The following CADM2 variants were observed in gnomAD, a reference collection of about 807,000 sequenced individuals.
The protein encoded by CADM2 is cell adhesion molecule 2.
In CADM2, 12 loss-of-function variants were observed where a neutral mutation model predicts 49.8. The observed-to-expected ratio is 0.24, with a 90% CI of 0.15 to 0.39. The LOEUF (loss-of-function observed/expected upper bound fraction) is 0.39. Ranked by LOEUF, CADM2 falls within the 10% of genes least tolerant of loss-of-function variation. CADM2 has a pLI of 1.00. For synonymous variants in CADM2, 214 were observed against 175.4 expected (o/e 1.22, Z -1.74); for missense variants, 378 against 492.3 (o/e 0.77, Z 2.20).
At chr3:85,915,979 A>G (rs2108490227) in intron 6 of CADM2, among the ~76,000 whole-genome samples, 1 of 152,306 alleles carries the variant, frequency 6.6e-6, no homozygotes, top group Non-Finnish European at 1.5e-5. Context: ...AGATAAACAT[A>G]CAATGCCAAG....
At chr3:86,066,257 C>A (rs1017213538) in intron 9 of CADM2, among the ~76,000 whole-genome samples, 2 of 133,378 alleles carry the variant, frequency 1.5e-5, no homozygotes, top group Non-Finnish European at 3.1e-5. Flanking sequence ...TGCTTGAACC[C>A]GGGAGGCGGA....
intron 1 of CADM2, among the ~76,000 whole-genome samples, chr3:85,574,121 C>T (rs17460701): frequency 0.51 from 78,094 of 152,070 alleles, 23,091 homozygotes; most frequent in East Asian, 0.85. Flanking sequence ...GAAGGGTTAA[C>T]ATTTAAGCAA....
chr3:85,383,351 A>C (rs1412436909), intron 1 of CADM2, among the ~76,000 whole-genome samples: 1 of 151,964 alleles, frequency 6.6e-6, no homozygotes, highest in Non-Finnish European at 1.5e-5. Context: ...ACAGTGCTAA[A>C]ATTAGACAAT....
chr3:85,486,044 A>G (rs555334684), intron 1 of CADM2, among the ~76,000 whole-genome samples: 2 of 152,232 alleles, frequency 1.3e-5, no homozygotes, highest in South Asian at 2.1e-4. Context: ...GAAAATGATG[A>G]CGTTGAGGTC....
rs2043167614 is a variant in CADM2, at chr3:85,268,433, A to G, written c.61+308765A>G. ...CTCTTCCTTGAAAAATGAAAGGTTTAAATACTAAAAATTTTATTAATAATT... is the reference window on the plus strand; with the variant it reads ...CTCTTCCTTGAAAAATGAAAGGTTTGAATACTAAAAATTTTATTAATAATT... On this transcript the variant is annotated intron_variant, in intron 1 of 9. Transcript: ENST00000383699. 7.3e-5 allele frequency among the ~76,000 whole-genome samples: 11 copies of G among 151,612 alleles called. No homozygotes were observed. In the South Asian group the frequency reaches 2.3e-3, roughly 31 times the overall value.
chr3:85,066,115 G>A (rs2036520892), intron 1 of CADM2, among the ~76,000 whole-genome samples: 1 of 152,098 alleles, frequency 6.6e-6, no homozygotes, highest in South Asian at 2.1e-4. Flanking sequence ...GAGACACAGA[G>A]CAACCTACTT....
At chr3:85,433,353 ATG>A (rs1206584632) in intron 1 of CADM2, among the ~76,000 whole-genome samples, 1 of 151,964 alleles carries the variant, frequency 6.6e-6, no homozygotes, top group African/African-American at 2.4e-5. Flanking sequence ...AGGAATGTAT[ATG>A]TGTGTGTGTA....
At chr3:85,290,355 C>G (rs913520587) in intron 1 of CADM2, among the ~76,000 whole-genome samples, 1 of 152,166 alleles carries the variant, frequency 6.6e-6, no homozygotes, top group Non-Finnish European at 1.5e-5. Flanking sequence ...CGCAGCAAGG[C>G]TGGGGGAGGG....
chr3:85,553,006 A>T (rs1181764172), intron 1 of CADM2, among the ~76,000 whole-genome samples: 1 of 152,080 alleles, frequency 6.6e-6, no homozygotes, highest in Non-Finnish European at 1.5e-5. Flanking sequence ...AATATTTTTA[A>T]GTTTTTGACT....
At chr3:85,359,926 A>T (rs1190115982) in intron 1 of CADM2, among the ~76,000 whole-genome samples, 1 of 151,418 alleles carries the variant, frequency 6.6e-6, no homozygotes, top group African/African-American at 2.4e-5. Context: ...AAATCTGTTT[A>T]AAAATCATAC....
chr3:86,032,529 T>G (rs1734677535), intron 8 of CADM2, among the ~76,000 whole-genome samples: 1 of 151,898 alleles, frequency 6.6e-6, no homozygotes, highest in African/African-American at 2.4e-5. Context: ...TATTAATGAT[T>G]TTGAAGAAAT....
intron 1 of CADM2, among the ~76,000 whole-genome samples, chr3:85,600,639 AT>A (rs1239010518): frequency 5.9e-5 from 9 of 151,402 alleles, no homozygotes; most frequent in African/African-American, 1.9e-4. Context: ...GATTCACAGT[AT>A]GCTTTTAAGT....
At chr3:85,373,286 T>C (rs2033383179) in intron 1 of CADM2, among the ~76,000 whole-genome samples, 1 of 152,052 alleles carries the variant, frequency 6.6e-6, no homozygotes, top group African/African-American at 2.4e-5. Flanking sequence ...CCCAAGGAAA[T>C]CGGAAATTTA....
intron 8 of CADM2, among the ~76,000 whole-genome samples, chr3:85,998,676 A>G (rs886725330): frequency 9.9e-5 from 15 of 152,268 alleles, no homozygotes; most frequent in Admixed American, 8.5e-4. Flanking sequence ...ATGAGAAACA[A>G]TTTAAATGAA....
At chr3:85,693,409 T>C (rs1487396923) in intron 1 of CADM2, among the ~76,000 whole-genome samples, 1 of 145,690 alleles carries the variant, frequency 6.9e-6, no homozygotes, top group African/African-American at 2.6e-5. Context: ...TGAAACCCCG[T>C]CTCTACTAAA....
At chr3:85,131,455 T>C (rs2039225752) in intron 1 of CADM2, among the ~76,000 whole-genome samples, 1 of 152,168 alleles carries the variant, frequency 6.6e-6, no homozygotes, top group Non-Finnish European at 1.5e-5. Context: ...AAAAACATAA[T>C]AAACCTCATT....
At chr3:85,091,791 A>C (rs536503447) in intron 1 of CADM2, among the ~76,000 whole-genome samples, 2 of 152,262 alleles carry the variant, frequency 1.3e-5, no homozygotes, top group South Asian at 4.1e-4. Context: ...GTCTTGTAGA[A>C]AGCATAGTAA....
At chr3:85,001,697 G>A (rs924470114) in intron 1 of CADM2, among the ~76,000 whole-genome samples, 2 of 151,826 alleles carry the variant, frequency 1.3e-5, no homozygotes, top group African/African-American at 2.4e-5. Context: ...GATATGAAAC[G>A]CCTTCTAAGA....
chr3:85,203,701 A>G (rs900416040), intron 1 of CADM2, among the ~76,000 whole-genome samples: 1 of 152,220 alleles, frequency 6.6e-6, no homozygotes, highest in African/African-American at 2.4e-5. Context: ...CAGTATCTGC[A>G]AAGCAGAGTA....
Sources: gnomAD v4.1 joint callset for allele counts (sites outside exome capture counted in the v4.1 genomes callset) on GRCh38, gnomAD v4.1.1 for gene constraint, MANE v1.5 for transcripts, NCBI Gene and HGNC (gene_info 2026-07-23, HGNC 2026-07-21) for gene names.